The following RAB38 variants were observed in gnomAD, a reference collection of about 807,000 sequenced individuals.
RAB38 encodes the protein ras-related protein Rab-38.
Under a neutral mutation model 18.4 loss-of-function variants are expected in RAB38, and 15 were observed. That is an observed-to-expected ratio of 0.82 (90% CI 0.55 to 1.26). The LOEUF is 1.26. RAB38 is among the 50% of genes most tolerant of loss of function. The pLI, the probability that RAB38 is intolerant of heterozygous loss-of-function variation, is 0.00. For synonymous variants in RAB38, 101 were observed against 104.4 expected (o/e 0.97, Z 0.20); for missense variants, 294 against 267.4 (o/e 1.10, Z -0.69).
chr11:87,917,064 G>A, the RAB38 span, among the ~76,000 whole-genome samples: 1 of 152,138 alleles, frequency 6.6e-6, no homozygotes, highest in Non-Finnish European at 1.5e-5. Context: ...GGGAGAGAGA[G>A]AGCAAGGGAC....
the RAB38 span, among the ~76,000 whole-genome samples, chr11:87,804,527 T>C: frequency 6.6e-6 from 1 of 152,156 alleles, no homozygotes; most frequent in Non-Finnish European, 1.5e-5. Context: ...AGGACTTAAA[T>C]TTTGCTGATG....
the RAB38 span, among the ~76,000 whole-genome samples, chr11:87,952,796 G>GTCTGATTATAACAATA: frequency 1.3e-5 from 2 of 152,076 alleles, no homozygotes; most frequent in Non-Finnish European, 2.9e-5. Flanking sequence ...TTACATGTTT[G>GTCTGATTATAACAATA]TCTGATTATA....
chr11:87,956,458 G>T, the RAB38 span, among the ~76,000 whole-genome samples: 1 of 152,130 alleles, frequency 6.6e-6, no homozygotes, highest in Non-Finnish European at 1.5e-5. Flanking sequence ...GATTTGCTTA[G>T]CACAGGCTTC....
At chr11:87,866,552 C>T in the RAB38 span, among the ~76,000 whole-genome samples, 1 of 151,726 alleles carries the variant, frequency 6.6e-6, no homozygotes, top group Admixed American at 6.6e-5. Flanking sequence ...CTTGGCTCTG[C>T]CTCTGTGATG....
chr11:88,102,912 C>T, the RAB38 span, among the ~76,000 whole-genome samples: 1 of 151,992 alleles, frequency 6.6e-6, no homozygotes, highest in Non-Finnish European at 1.5e-5. Context: ...CTCCTCCCTT[C>T]CCTCATTAGT....
the RAB38 span, among the ~76,000 whole-genome samples, chr11:88,091,030 A>C: frequency 1.3e-5 from 2 of 152,016 alleles, no homozygotes; most frequent in Non-Finnish European, 2.9e-5. Flanking sequence ...AGAACTGAAA[A>C]TAAAATGGGT....
chr11:88,087,384 T>C, the RAB38 span, among the ~76,000 whole-genome samples: 1 of 152,004 alleles, frequency 6.6e-6, no homozygotes, highest in Admixed American at 6.6e-5. Context: ...TTCGTTTGAC[T>C]CACTGTTCTG....
At chr11:87,861,031 C>A in the RAB38 span, among the ~76,000 whole-genome samples, 1 of 151,880 alleles carries the variant, frequency 6.6e-6, no homozygotes, top group Non-Finnish European at 1.5e-5. Context: ...TGAAATTATT[C>A]ACGCTTTATA....
the RAB38 span, among the ~76,000 whole-genome samples, chr11:88,027,857 C>T: frequency 6.6e-6 from 1 of 152,266 alleles, no homozygotes; most frequent in South Asian, 2.1e-4. Flanking sequence ...CCCTGTCTGA[C>T]AGCTTTGAAG....
At chr11:88,036,778 C>T in the RAB38 span, among the ~76,000 whole-genome samples, 6 of 151,612 alleles carry the variant, frequency 4.0e-5, no homozygotes, top group Non-Finnish European at 8.8e-5. Flanking sequence ...AATATATTTC[C>T]TAATACTAAT....
At chr11:87,957,028 C>T in the RAB38 span, among the ~76,000 whole-genome samples, 1 of 151,928 alleles carries the variant, frequency 6.6e-6, no homozygotes, top group African/African-American at 2.4e-5. Context: ...TCTCATGTCA[C>T]ATAAAACATT....
At chr11:88,019,458 G>T in the RAB38 span, among the ~76,000 whole-genome samples, 1 of 152,182 alleles carries the variant, frequency 6.6e-6, no homozygotes, top group Non-Finnish European at 1.5e-5. Context: ...CCTGCAACTT[G>T]CAATAGCCTT....
At chr11:88,171,729 CA>C (rs1943313953) in intron 1 of RAB38, among the ~76,000 whole-genome samples, 1 of 152,158 alleles carries the variant, frequency 6.6e-6, no homozygotes, top group Non-Finnish European at 1.5e-5. Context: ...AGTCCCAAAG[CA>C]CATCAAGAGT....
chr11:88,089,277 G>A, the RAB38 span, among the ~76,000 whole-genome samples: 2 of 151,762 alleles, frequency 1.3e-5, no homozygotes, highest in Non-Finnish European at 2.9e-5. Context: ...ATTAGTAATT[G>A]TACTTTCTGG....
the RAB38 span, among the ~76,000 whole-genome samples, chr11:87,833,130 A>G: frequency 6.6e-6 from 1 of 152,138 alleles, no homozygotes; most frequent in Non-Finnish European, 1.5e-5. Flanking sequence ...GTGATCCTCT[A>G]AAATGTGTTG....
chr11:87,941,705 A>C, the RAB38 span, among the ~76,000 whole-genome samples: 2 of 152,158 alleles, frequency 1.3e-5, no homozygotes, highest in Non-Finnish European at 2.9e-5. Context: ...TGAGATTAAC[A>C]GGGAAGATTT....
chr11:88,170,733 T>C (rs1943302130), intron 1 of RAB38, among the ~76,000 whole-genome samples: 1 of 151,966 alleles, frequency 6.6e-6, no homozygotes, highest in South Asian at 2.1e-4. Flanking sequence ...GGGTAGATCT[T>C]ATTTTAAGTA....
intron 2 of RAB38, among the ~76,000 whole-genome samples, chr11:88,133,273 T>C (rs1345742546): frequency 6.6e-6 from 1 of 152,192 alleles, no homozygotes; most frequent in Non-Finnish European, 1.5e-5. Flanking sequence ...TGCTGGGAAT[T>C]TGTGAAAGCC....
the RAB38 span, among the ~76,000 whole-genome samples, chr11:88,106,079 T>C: frequency 2.6e-5 from 4 of 152,152 alleles, no homozygotes; most frequent in African/African-American, 9.6e-5. Context: ...CTGTATCTTT[T>C]GCCTCTTATT....
Sources: allele counts gnomAD v4.1 joint callset (sites outside exome capture counted in the v4.1 genomes callset), GRCh38; gene constraint gnomAD v4.1.1; transcripts MANE v1.5; gene names NCBI Gene and HGNC (gene_info 2026-07-23, HGNC 2026-07-21).